Variants in DMD observed in about 807,000 individuals in gnomAD.
DMD encodes mutant dystrophin.
A neutral mutation model predicts 330.1 loss-of-function variants in DMD; 63 were observed. That is an observed-to-expected ratio of 0.19 (90% CI 0.16 to 0.24). The LOEUF (loss-of-function observed/expected upper bound fraction) is 0.24, where lower values mean the gene tolerates loss of function less well. DMD is among the 10% of genes least tolerant of loss of function. The pLI is 1.00. For synonymous variants in DMD, 1,223 were observed against 959.8 expected (o/e 1.27, Z -5.07); for missense variants, 3,344 against 2,684.1 (o/e 1.25, Z -5.43).
chrX:31,788,254 T>A (rs1021167102), intron 50 of DMD, among the ~76,000 whole-genome samples: 3 of 112,091 alleles, frequency 2.7e-5, no homozygotes, highest in Non-Finnish European at 5.6e-5. Context: ...CAACTCTGTT[T>A]ATTCAGAAAG....
intron 67 of DMD, among the ~76,000 whole-genome samples, chrX:31,199,547 T>G (rs1262964162): frequency 1.8e-5 from 2 of 112,177 alleles, no homozygotes. Context: ...GATAGGTGAT[T>G]TCCTTTTCTA....
chrX:32,022,330 C>G (rs2095811920), intron 44 of DMD, among the ~76,000 whole-genome samples: 1 of 112,087 alleles, frequency 8.9e-6, no homozygotes, highest in Non-Finnish European at 1.9e-5. Context: ...TTGCTCTAAA[C>G]TAATTCAATA....
intron 2 of DMD, among the ~76,000 whole-genome samples, chrX:33,003,159 G>T (rs1028536868): frequency 9.1e-6 from 1 of 110,185 alleles, no homozygotes; most frequent in Admixed American, 9.8e-5. Flanking sequence ...CCTTCCCCCT[G>T]CTCTGAGTCC....
At chrX:33,204,019 T>C (rs1468354661) in intron 1 of DMD, among the ~76,000 whole-genome samples, 1 of 111,439 alleles carries the variant, frequency 9.0e-6, no homozygotes, top group Non-Finnish European at 1.9e-5. Flanking sequence ...TTTACTTCTT[T>C]CATCTCCACT....
intron 55 of DMD, among the ~76,000 whole-genome samples, chrX:31,548,934 A>AT (rs202044457): frequency 1.6e-4 from 18 of 109,222 alleles, no homozygotes; most frequent in East Asian, 5.7e-4. Flanking sequence ...AACATAACTG[A>AT]TTTTTTTTAA....
At chrX:31,897,054 C>T (rs1428037210) in intron 47 of DMD, among the ~76,000 whole-genome samples, 6 of 110,352 alleles carry the variant, frequency 5.4e-5, no homozygotes, top group Non-Finnish European at 1.1e-4. Context: ...GTATATCTCC[C>T]AATGCTATCC....
chrX:33,019,506 A>AATT (rs2093872644), intron 2 of DMD, among the ~76,000 whole-genome samples: 1 of 111,415 alleles, frequency 9.0e-6, no homozygotes, highest in Non-Finnish European at 1.9e-5. Context: ...CATCCCAATA[A>AATT]ACCTCCATAT....
intron 7 of DMD, among the ~76,000 whole-genome samples, chrX:32,741,379 A>C (rs190672244): frequency 9.0e-6 from 1 of 111,082 alleles, no homozygotes; most frequent in South Asian, 3.8e-4. Flanking sequence ...AACCTTTGTC[A>C]CTCACTGTCA....
chrX:32,739,920 G>T (rs969099167), intron 7 of DMD, among the ~76,000 whole-genome samples: 14 of 110,269 alleles, frequency 1.3e-4, no homozygotes, highest in African/African-American at 4.6e-4. Flanking sequence ...TCTGATGCAT[G>T]TTCAAGTTTG....
At chrX:32,995,047 A>G (rs1294722934) in intron 2 of DMD, among the ~76,000 whole-genome samples, 3 of 111,720 alleles carry the variant, frequency 2.7e-5, no homozygotes, top group Non-Finnish European at 5.6e-5. Flanking sequence ...CAAGGCTGCA[A>G]TGAGCCGCAA....
At chrX:32,151,704 C>T (rs1319625771) in intron 44 of DMD, among the ~76,000 whole-genome samples, 1 of 106,286 alleles carries the variant, frequency 9.4e-6, no homozygotes, top group Non-Finnish European at 2.0e-5. Flanking sequence ...TACTCACCAA[C>T]ATGCCAGCGA....
intron 29 of DMD, among the ~76,000 whole-genome samples, chrX:32,436,405 A>G (rs1313491093): frequency 8.9e-6 from 1 of 111,805 alleles, no homozygotes; most frequent in Non-Finnish European, 1.9e-5. Context: ...GTATTTTCTT[A>G]TTCAAAAGTT....
intron 13 of DMD, among the ~76,000 whole-genome samples, chrX:32,585,020 G>A (rs1019551612): frequency 9.0e-6 from 1 of 111,369 alleles, no homozygotes; most frequent in Admixed American, 9.6e-5. Context: ...CCATAAAAAG[G>A]AATGAAATAT....
intron 2 of DMD, among the ~76,000 whole-genome samples, chrX:32,917,624 G>A (rs1015782598): frequency 9.0e-6 from 1 of 111,300 alleles, no homozygotes; most frequent in Non-Finnish European, 1.9e-5. Context: ...CACTTCTGGG[G>A]AAAAAAAGAG....
intron 21 of DMD, among the ~76,000 whole-genome samples, chrX:32,483,149 A>ATG: frequency 1.3e-5 from 1 of 75,362 alleles, no homozygotes; most frequent in Non-Finnish European, 2.7e-5. Flanking sequence ...TTCATTCCAT[A>ATG]TATATATATA....
intron 4 of DMD, among the ~76,000 whole-genome samples, chrX:32,833,692 TAAA>T (rs5902041): frequency 2.2e-3 from 176 of 81,055 alleles, no homozygotes; most frequent in Middle Eastern, 6.5e-3. Flanking sequence ...TAATTTCAAG[TAAA>T]AAAAAAAAAA....
At chrX:32,791,893 C>G (rs185839068) in intron 7 of DMD, among the ~76,000 whole-genome samples, 16 of 109,158 alleles carry the variant, frequency 1.5e-4, no homozygotes, top group Non-Finnish European at 2.5e-4. Context: ...TGAAAGATCT[C>G]AAAAAGGGAT....
intron 44 of DMD, among the ~76,000 whole-genome samples, chrX:32,105,808 T>C (rs1238252153): frequency 8.9e-6 from 1 of 112,004 alleles, no homozygotes; most frequent in Admixed American, 9.5e-5. Flanking sequence ...TAGATGTCAA[T>C]GTAGAAACTC....
chrX:32,976,383 G>A (rs1420207090), intron 2 of DMD, among the ~76,000 whole-genome samples: 1 of 111,301 alleles, frequency 9.0e-6, no homozygotes, highest in East Asian at 2.8e-4. Flanking sequence ...GAAAGTCCAG[G>A]AAAATGAGTA....
Sources: gnomAD v4.1 joint callset for allele counts (sites outside exome capture counted in the v4.1 genomes callset) on GRCh38, gnomAD v4.1.1 for gene constraint, MANE v1.5 for transcripts, NCBI Gene and HGNC (gene_info 2026-07-23, HGNC 2026-07-21) for gene names.